PTDSS2: variants seen among roughly 807,000 people sequenced by gnomAD.
The protein encoded by PTDSS2 is phosphatidylserine synthase 2.
Under a neutral mutation model 64.7 loss-of-function variants are expected in PTDSS2, and 41 were observed. The observed-to-expected ratio is 0.63, with a 90% confidence interval of 0.49 to 0.82. The LOEUF (loss-of-function observed/expected upper bound fraction) is 0.82, where lower values mean the gene tolerates loss of function less well. Among genes scored for constraint, PTDSS2 ranks in the 40% least tolerant of loss-of-function variants. The pLI is 0.00. For synonymous variants in PTDSS2, 297 were observed against 277.8 expected (o/e 1.07, Z -0.69); for missense variants, 485 against 650.0 (o/e 0.75, Z 2.76).
At chr11:474,850 CTTGT>C (rs1271293625) in intron 3 of PTDSS2, among the ~76,000 whole-genome samples, 2 of 151,158 alleles carry the variant, frequency 1.3e-5, no homozygotes, top group Middle Eastern at 3.5e-3. Context: ...GACATATTCA[CTTGT>C]TTGTGTATAC....
intron 3 of PTDSS2, among the ~76,000 whole-genome samples, chr11:474,542 C>T (rs576240627): frequency 1.0e-3 from 152 of 152,274 alleles, no homozygotes; most frequent in East Asian, 3.5e-3. Context: ...GGTTGCCCAG[C>T]GCACTCTGCC....
chr11:468,846 T>C (rs1244713236), intron 2 of PTDSS2, among the ~76,000 whole-genome samples: 1 of 81,124 alleles, frequency 1.2e-5, no homozygotes, highest in Non-Finnish European at 2.4e-5. Context: ...AGGAGGGGAG[T>C]CTCTGAGATG....
chr11:484,821 C>T (rs77531296), intron 4 of PTDSS2, among the ~76,000 whole-genome samples: 4,143 of 62,812 alleles, frequency 0.066, 96 homozygotes, highest in Non-Finnish European at 0.092. Context: ...GTGTGCTCAC[C>T]GTGTGCGCAG....
intron 2 of PTDSS2, among the ~76,000 whole-genome samples, chr11:472,052 T>C (rs1318289543): frequency 4.3e-4 from 58 of 136,432 alleles, no homozygotes; most frequent in Middle Eastern, 8.3e-3. Context: ...GGGCGGATGG[T>C]GGCCTGGGGT....
intron 2 of PTDSS2, among the ~76,000 whole-genome samples, chr11:464,678 C>T (rs1001492380): frequency 2.6e-5 from 4 of 152,228 alleles, no homozygotes; most frequent in East Asian, 1.9e-4. Context: ...TGCGTGGACA[C>T]GGCACCGTTC....
chr11:465,087 CAG>C (rs1847083777), intron 2 of PTDSS2, among the ~76,000 whole-genome samples: 2 of 152,208 alleles, frequency 1.3e-5, no homozygotes, highest in South Asian at 4.1e-4. Flanking sequence ...GCTAGAGCAA[CAG>C]AACATCCACG....
rs111227794 is a variant in PTDSS2, at chr11:485,628, A to G, written c.436-1311A>G. ...GTGCTCACTGCGCAGGCGAGTGTAA[A>G]CAGTGCACGGGCGCGTGTGTGCTCA... On this transcript the variant is annotated intron_variant, in intron 4 of 11. Transcript: ENST00000308020. Among the ~76,000 whole-genome samples the G allele has an allele frequency of 3.6e-3, 440 of 121,300 alleles. 23 individuals are homozygous for G. Among genetic ancestry groups the G allele is most frequent in the African/African-American group, 0.016 (419 of 26,460 alleles). 79.6% of individuals were successfully genotyped at this position (121,300 alleles called of 152,430 possible). A position where few individuals can be genotyped will look rare whatever the true frequency, so the allele number is the denominator to read the frequency against.
Position 470,485 on chromosome 11 carries a change from G to A in PTDSS2, c.285-3410G>A, listed in dbSNP as rs1329004525. Among the ~76,000 whole-genome samples, 1 of 152,206 alleles carries A rather than the reference G, an allele frequency of 6.6e-6. No individual in the cohort carries two copies. Among genetic ancestry groups the A allele is most frequent in the Non-Finnish European group, 1.5e-5 (1 of 68,040 alleles). On this transcript the variant is annotated intron_variant, in intron 2 of 11. Transcript: ENST00000308020. The surrounding 1 kb of genome is among the most constrained non-coding windows in gnomAD (Gnocchi z 5.3). Reference sequence around the variant, plus strand: ...GCCATGTGGCTTCCAGGAAGAGATTGTTGGGGGCGGGGCAGGGGGAAGGAC... The same window carrying A: ...GCCATGTGGCTTCCAGGAAGAGATTATTGGGGGCGGGGCAGGGGGAAGGAC...
rs1017010349 is a variant in PTDSS2 at position 479,998 on chromosome 11, T to C, written c.435+846T>C. On this transcript the variant is annotated intron_variant, in intron 4 of 11. Coordinates refer to ENST00000308020, the MANE Select transcript of PTDSS2 (RefSeq NM_030783.3). This position sits in a 1 kb window ranked among gnomAD's most constrained non-coding sequence, Gnocchi z 4.2. ...TGTGAATTTTAGCATTTGTGTAGAC[T>C]TCTAGAAACACAATTAGGACGCACA... 2 of 152,396 alleles carry C rather than the reference T, an allele frequency of 1.3e-5. No homozygotes were observed. Among genetic ancestry groups the C allele is most frequent in the African/African-American group, 4.8e-5 (2 of 41,448 alleles). The allele number at this position is 152,396 out of a possible 1,614,324, so 9.4% of individuals were successfully genotyped here. A position where few individuals can be genotyped will look rare whatever the true frequency, so the allele number is the denominator to read the frequency against.
chr11:471,175 A>G (rs1847409617), intron 2 of PTDSS2, among the ~76,000 whole-genome samples: 1 of 146,864 alleles, frequency 6.8e-6, no homozygotes, highest in Non-Finnish European at 1.5e-5. Context: ...AGCTCACTGC[A>G]ACCTCTACCT....
At chr11:454,563 T>C (rs1407002315) in intron 1 of PTDSS2, among the ~76,000 whole-genome samples, 1 of 152,064 alleles carries the variant, frequency 6.6e-6, no homozygotes, top group East Asian at 1.9e-4. Flanking sequence ...TCCCAGCACT[T>C]TGGGAGGCCG....
At chr11:474,621 C>T (rs770730275) in intron 3 of PTDSS2, among the ~76,000 whole-genome samples, 1 of 152,240 alleles carries the variant, frequency 6.6e-6, no homozygotes, top group Non-Finnish European at 1.5e-5. Context: ...TCCCGCCAAT[C>T]TCAGTGTACT....
At chr11:464,667 T>C (rs7121599) in intron 2 of PTDSS2, among the ~76,000 whole-genome samples, 54,339 of 152,080 alleles carry the variant, frequency 0.36, 10,163 homozygotes, top group African/African-American at 0.47. Context: ...GGAGCTTCCG[T>C]TGCGTGGACA....
intron 1 of PTDSS2, among the ~76,000 whole-genome samples, chr11:452,453 T>A (rs1372597691): frequency 1.3e-5 from 2 of 152,214 alleles, no homozygotes; most frequent in East Asian, 3.9e-4. Flanking sequence ...GGGGCCGGTC[T>A]CTTTAGAAGC....
At chr11:487,304 C>T in intron 5 of PTDSS2, 116 bp from the exon 6 acceptor site, 1 of 1,088,512 alleles carries the variant, frequency 9.2e-7, no homozygotes. Flanking sequence ...ACCTGTGAGT[C>T]CCTGGCCTTC....
chr11:464,516 C>T (rs1204461053), intron 2 of PTDSS2, among the ~76,000 whole-genome samples: 1 of 152,218 alleles, frequency 6.6e-6, no homozygotes, highest in Non-Finnish European at 1.5e-5. Flanking sequence ...CGGGCAGTGC[C>T]AGTGCATCTG....
chr11:489,769 G>C, intron 10 of PTDSS2, 36 bp downstream of exon 10: 1 of 1,592,254 alleles, frequency 6.3e-7, no homozygotes, highest in Non-Finnish European at 8.6e-7. Context: ...AGACACCCCC[G>C]GGGGGCAGGG....
At position 461,356 on chromosome 11, in the gene PTDSS2, C is replaced by G. The variant is rs1488756522; in HGVS notation, c.284+1068C>G. ...AACACAAGCATGCCCAGTGCCCTGT[C>G]TGTAGGGGAGCGGATGCTTTAGAAT... On this transcript the variant is annotated intron_variant, in intron 2 of 11. Transcript: ENST00000308020. The surrounding 1 kb of genome is among the most constrained non-coding windows in gnomAD (Gnocchi z 4.2). Among the ~76,000 whole-genome samples the G allele has an allele frequency of 1.3e-5, 2 of 152,192 alleles. No individual in the cohort carries two copies. The highest frequency in any genetic ancestry group is 4.8e-5 in the African/African-American group (2 of 41,446).
intron 7 of PTDSS2, 58 bp from the exon 8 acceptor site, chr11:488,471 C>G (rs1564997219): frequency 3.4e-6 from 5 of 1,482,916 alleles, no homozygotes; most frequent in Non-Finnish European, 4.7e-6. Context: ...TTCCGGGGTC[C>G]TCCTCGGGGG....
Sources: allele counts gnomAD v4.1 joint callset (sites outside exome capture counted in the v4.1 genomes callset), GRCh38; gene constraint gnomAD v4.1.1; non-coding constraint Gnocchi (gnomAD v3.1); transcripts MANE v1.5; gene names NCBI Gene and HGNC (gene_info 2026-07-23, HGNC 2026-07-21).